Variants in CPLX1 observed in about 807,000 individuals in gnomAD.
CPLX1 encodes the protein complexin 1, also known as complexin-1.
In CPLX1, 6 loss-of-function variants were observed where a neutral mutation model predicts 15.6. That is an observed-to-expected ratio of 0.39 (90% CI 0.21 to 0.76). CPLX1 has a LOEUF of 0.76. Ranked by LOEUF, CPLX1 falls within the 30% of genes least tolerant of loss-of-function variation. The probability of loss-of-function intolerance (pLI) is 0.43; values close to 1 mark genes in which losing one functional copy is unlikely to be tolerated. For missense variants in CPLX1, 242 were observed against 188.6 expected (o/e 1.28, Z -1.66); for synonymous variants, 91 against 75.2 (o/e 1.21, Z -1.08).
chr4:786,924 G>C (rs1250247194), intron 3 of CPLX1: 2 of 978,980 alleles, frequency 2.0e-6, no homozygotes, highest in African/African-American at 3.5e-5. Flanking sequence ...ACATGGGGGG[G>C]AGCAGGGAGG....
chr4:797,653 G>A (rs1746368957), intron 2 of CPLX1, among the ~76,000 whole-genome samples: 1 of 151,060 alleles, frequency 6.6e-6, no homozygotes, highest in Non-Finnish European at 1.5e-5. Flanking sequence ...CTTACTGTAG[G>A]CCGGGCGCGG....
chr4:786,763 G>C, intron 3 of CPLX1, 65 bp from the exon 4 acceptor site: 1 of 1,523,302 alleles, frequency 6.6e-7, no homozygotes, highest in East Asian at 2.3e-5. Context: ...CAGCCTCCCT[G>C]CGCCAGGGAC....
intron 2 of CPLX1, among the ~76,000 whole-genome samples, chr4:815,453 C>T (rs1403178371): frequency 6.8e-6 from 1 of 146,812 alleles, no homozygotes; most frequent in Non-Finnish European, 1.5e-5. Context: ...AAAGAAAAGA[C>T]TTTATAAGAA....
rs188738739 is a variant in CPLX1, at chr4:787,849, C to T, written c.208-1151G>A. 7.1e-4 allele frequency: 698 copies of T among 985,452 alleles called. 19 individuals carry two copies. The Admixed American group carries it at 0.036, about 51-fold the overall frequency. 61.0% of individuals were successfully genotyped at this position (985,452 alleles called of 1,614,324 possible). A position where few individuals can be genotyped will look rare whatever the true frequency, so the allele number is the denominator to read the frequency against. On this transcript the variant is annotated intron_variant, in intron 3 of 3. Transcript: ENST00000304062. ...TCAGGCCACGGAACTACGGAACAGC[C>T]TCCTGCTGCCCAGGAAGGTGGGAAC... is the stretch of plus-strand genomic sequence containing the variant.
At chr4:796,919 C>T (rs531807243) in intron 2 of CPLX1, among the ~76,000 whole-genome samples, 16 of 152,294 alleles carry the variant, frequency 1.1e-4, no homozygotes, top group South Asian at 2.1e-4. Context: ...AGACAGACAA[C>T]GGGCCCAGAG....
chr4:797,606 G>A (rs921489903), intron 2 of CPLX1, among the ~76,000 whole-genome samples: 6 of 150,050 alleles, frequency 4.0e-5, no homozygotes, highest in Non-Finnish European at 8.9e-5. Flanking sequence ...GATTACAAGC[G>A]TGAGCCACTG....
At chr4:800,394 G>A (rs1746426185) in intron 2 of CPLX1, among the ~76,000 whole-genome samples, 2 of 152,072 alleles carry the variant, frequency 1.3e-5, no homozygotes, top group Admixed American at 1.3e-4. Flanking sequence ...CAGCACTTTG[G>A]GAGGCCAAGG....
intron 2 of CPLX1, among the ~76,000 whole-genome samples, chr4:803,421 C>T (rs1305766230): frequency 6.6e-6 from 1 of 151,924 alleles, no homozygotes; most frequent in Non-Finnish European, 1.5e-5. Context: ...GACGGAATCT[C>T]GCTCTGTCGC....
In CPLX1 at chr4:786,418, C is replaced by T. The variant is rs1179533779; in HGVS notation, c.*83G>A. On this transcript the variant is annotated 3_prime_UTR_variant, in exon 4 of 4. Transcript: ENST00000304062. The stretch of plus-strand genomic sequence containing the variant: ...GGCTTATATCGGCGTGGGGGCTGCG[C>T]TCTGCTCGTCCCTCAGGGGCCTCCG... The T allele has an allele frequency of 2.1e-6, 3 of 1,426,320 alleles. No individual in the cohort carries two copies. Among genetic ancestry groups the T allele is most frequent in the Non-Finnish European group, 2.8e-6 (3 of 1,072,748 alleles). 88.4% of individuals were successfully genotyped at this position (1,426,320 alleles called of 1,614,324 possible).
chr4:786,425 C>A lies in CPLX1; in HGVS notation c.*76G>T. 5 of 1,442,340 alleles carry A rather than the reference C, an allele frequency of 3.5e-6. No individual in the cohort carries two copies. The highest frequency in any genetic ancestry group is 1.4e-5 in the South Asian group (1 of 71,526). The allele number at this position is 1,442,340 out of a possible 1,614,324, so 89.3% of individuals were successfully genotyped here. A position where few individuals can be genotyped will look rare whatever the true frequency, so the allele number is the denominator to read the frequency against. The stretch of plus-strand genomic sequence containing the variant: ...ATCGGCGTGGGGGCTGCGCTCTGCT[C>A]GTCCCTCAGGGGCCTCCGCGGAGGA... On this transcript the variant is annotated 3_prime_UTR_variant, in exon 4 of 4. Coordinates refer to ENST00000304062, the MANE Select transcript of CPLX1 (RefSeq NM_006651.4).
At chr4:820,736 C>T (rs560271035) in intron 2 of CPLX1, among the ~76,000 whole-genome samples, 69 of 106,236 alleles carry the variant, frequency 6.5e-4, no homozygotes, top group African/African-American at 2.1e-3. Flanking sequence ...CTGCACCCCT[C>T]ACCAGCCTCA....
At chr4:812,518 C>T (rs1746682169) in intron 2 of CPLX1, among the ~76,000 whole-genome samples, 1 of 152,126 alleles carries the variant, frequency 6.6e-6, no homozygotes, top group South Asian at 2.1e-4. Context: ...AAAGGGCGTC[C>T]ATCAGAGTAA....
intron 2 of CPLX1, among the ~76,000 whole-genome samples, chr4:817,973 A>G (rs184785932): frequency 4.5e-4 from 68 of 152,332 alleles, no homozygotes; most frequent in African/African-American, 1.6e-3. Flanking sequence ...TGGAGGCGCC[A>G]CCGCCCTCGG....
chr4:813,346 C>T (rs1433307928), intron 2 of CPLX1, among the ~76,000 whole-genome samples: 8 of 151,388 alleles, frequency 5.3e-5, no homozygotes, highest in Non-Finnish European at 7.4e-5. Flanking sequence ...CCAGGTAAAT[C>T]GGTATCAGAT....
intron 2 of CPLX1, among the ~76,000 whole-genome samples, chr4:821,508 C>T (rs756623716): frequency 5.3e-5 from 8 of 152,200 alleles, no homozygotes; most frequent in Non-Finnish European, 8.8e-5. Context: ...GGTGGCTGCT[C>T]GCTTCTGCCA....
Position 806,468 on chromosome 4 carries a change from C to A in CPLX1, c.32-13860G>T, listed in dbSNP as rs1746556497. On this transcript the variant is annotated intron_variant, in intron 2 of 3. Coordinates refer to ENST00000304062, the MANE Select transcript of CPLX1 (RefSeq NM_006651.4). ...ACCCTAGAAGAAAATCTAGGCAATA[C>A]CATTCAGGACATAGGCAAGGTTGAG... 2.6e-5 allele frequency among the ~76,000 whole-genome samples: 4 copies of A among 152,084 alleles called. No individual in the cohort carries two copies. In the South Asian group the frequency reaches 8.3e-4, roughly 32 times the overall value.
chr4:787,878 T>G, intron 3 of CPLX1: 2 of 985,196 alleles, frequency 2.0e-6, no homozygotes, highest in South Asian at 4.7e-5. Flanking sequence ...TGGGAACCAG[T>G]GGGGTTGGGC....
intron 2 of CPLX1, among the ~76,000 whole-genome samples, chr4:818,599 C>G (rs1042474591): frequency 6.6e-6 from 1 of 152,266 alleles, no homozygotes; most frequent in African/African-American, 2.4e-5. Flanking sequence ...CAAGGCCCCC[C>G]GTCCACACCG....
At chr4:798,582 A>G (rs1746390439) in intron 2 of CPLX1, among the ~76,000 whole-genome samples, 1 of 152,186 alleles carries the variant, frequency 6.6e-6, no homozygotes, top group African/African-American at 2.4e-5. Flanking sequence ...TTTTTTGTAG[A>G]GACAAGGTCT....
Sources: allele counts gnomAD v4.1 joint callset (sites outside exome capture counted in the v4.1 genomes callset), GRCh38; gene constraint gnomAD v4.1.1; transcripts MANE v1.5; gene names NCBI Gene and HGNC (gene_info 2026-07-23, HGNC 2026-07-21).